Variants in EPHA3 observed in about 807,000 individuals in gnomAD.
EPHA3 encodes the protein ephrin type-A receptor 3.
In EPHA3, 42 loss-of-function variants were observed where a neutral mutation model predicts 107.1. The observed-to-expected ratio is 0.39, with a 90% confidence interval of 0.31 to 0.51. The LOEUF is 0.51. EPHA3 is among the 20% of genes least tolerant of loss of function. The probability of loss-of-function intolerance (pLI) is 0.78; values close to 1 mark genes in which losing one functional copy is unlikely to be tolerated. For missense variants in EPHA3, 1,183 were observed against 1,211.2 expected (o/e 0.98, Z 0.35); for synonymous variants, 461 against 424.8 (o/e 1.09, Z -1.05).
At chr3:89,221,384 A>G (rs1237696105) in intron 3 of EPHA3, among the ~76,000 whole-genome samples, 1 of 152,166 alleles carries the variant, frequency 6.6e-6, no homozygotes, top group Non-Finnish European at 1.5e-5. Flanking sequence ...CATTCCCTAT[A>G]GAAGAGCAGA....
At chr3:89,186,468 G>T (rs1297487983) in intron 2 of EPHA3, among the ~76,000 whole-genome samples, 2 of 151,900 alleles carry the variant, frequency 1.3e-5, no homozygotes, top group Non-Finnish European at 2.9e-5. Flanking sequence ...AAGTCAAAAC[G>T]GCTTCAATTT....
intron 5 of EPHA3, among the ~76,000 whole-genome samples, chr3:89,355,727 A>T (rs755555635): frequency 6.6e-5 from 10 of 150,900 alleles, no homozygotes; most frequent in Non-Finnish European, 1.3e-4. Context: ...GGCTTGAATA[A>T]GTTGTGCTCT....
At position 89,407,411 on chromosome 3, in the gene EPHA3, G is replaced by T. The variant is rs747120838; in HGVS notation, c.1697+40G>T. 3.3e-6 allele frequency: 5 copies of T among 1,502,130 alleles called. No individual in the cohort carries two copies. The Admixed American group carries it at 8.5e-5, about 25-fold the overall frequency. 93.1% of individuals were successfully genotyped at this position (1,502,130 alleles called of 1,614,324 possible). ...TGTTTCACTATTCACTTTCTTTGTTGCTTTGTTTGCTGCCACTGATTGCTG... is the reference window on the plus strand; with the variant it reads ...TGTTTCACTATTCACTTTCTTTGTTTCTTTGTTTGCTGCCACTGATTGCTG... On this transcript the variant is annotated intron_variant, in intron 8 of 16. Coordinates refer to ENST00000336596, the MANE Select transcript of EPHA3 (RefSeq NM_005233.6).
chr3:89,232,649 A>T (rs575867905), intron 3 of EPHA3, among the ~76,000 whole-genome samples: 1 of 152,308 alleles, frequency 6.6e-6, no homozygotes, highest in African/African-American at 2.4e-5. Flanking sequence ...CAAAAATGCC[A>T]CTTCTTAATT....
chr3:89,263,713 C>A (rs1315579002), intron 3 of EPHA3, among the ~76,000 whole-genome samples: 1 of 152,016 alleles, frequency 6.6e-6, no homozygotes, highest in East Asian at 1.9e-4. Flanking sequence ...TCTTTCTAGG[C>A]ACAGGATGGG....
intron 5 of EPHA3, among the ~76,000 whole-genome samples, chr3:89,386,256 G>A (rs1423685180): frequency 6.6e-6 from 1 of 152,164 alleles, no homozygotes; most frequent in Non-Finnish European, 1.5e-5. Flanking sequence ...CATCTCCAGG[G>A]CATGTCAGAT....
At chr3:89,380,908 A>G (rs1431594178) in intron 5 of EPHA3, among the ~76,000 whole-genome samples, 1 of 151,720 alleles carries the variant, frequency 6.6e-6, no homozygotes, top group Non-Finnish European at 1.5e-5. Flanking sequence ...AGCTGGGATT[A>G]CAGGTGCCTG....
At chr3:89,340,095 C>A (rs1298627068) in intron 3 of EPHA3, among the ~76,000 whole-genome samples, 4 of 152,176 alleles carry the variant, frequency 2.6e-5, no homozygotes, top group African/African-American at 9.7e-5. Context: ...TTAGGCATAT[C>A]TCTGTAAAAC....
chr3:89,389,557 C>T (rs1708684839), intron 5 of EPHA3, among the ~76,000 whole-genome samples: 1 of 152,130 alleles, frequency 6.6e-6, no homozygotes, highest in African/African-American at 2.4e-5. Flanking sequence ...AGAGGAAGGT[C>T]CCAATAAAAA....
intron 2 of EPHA3, among the ~76,000 whole-genome samples, chr3:89,198,397 T>C (rs1179383496): frequency 6.6e-6 from 1 of 151,220 alleles, no homozygotes; most frequent in Admixed American, 6.6e-5. Context: ...AATCATACTC[T>C]ATTGAATCTC....
chr3:89,172,854 AG>A (rs1705239371), intron 2 of EPHA3, among the ~76,000 whole-genome samples: 1 of 152,220 alleles, frequency 6.6e-6, no homozygotes, highest in Non-Finnish European at 1.5e-5. Context: ...ATAAAAATAA[AG>A]GAAAATACTA....
chr3:89,217,729 T>A (rs564026492), intron 3 of EPHA3, among the ~76,000 whole-genome samples: 6 of 152,348 alleles, frequency 3.9e-5, no homozygotes, highest in Admixed American at 3.9e-4. Flanking sequence ...TCAGTTGCAA[T>A]GCCACAAAAG....
intron 5 of EPHA3, among the ~76,000 whole-genome samples, chr3:89,358,360 A>AT (rs1708012360): frequency 6.6e-6 from 1 of 151,118 alleles, no homozygotes; most frequent in Admixed American, 6.6e-5. Flanking sequence ...CTAAAAAAAA[A>AT]CCCATTTAGA....
At chr3:89,202,873 C>T (rs774523670) in intron 2 of EPHA3, among the ~76,000 whole-genome samples, 1 of 152,044 alleles carries the variant, frequency 6.6e-6, no homozygotes, top group Non-Finnish European at 1.5e-5. Context: ...GTTCTACCAC[C>T]AGATGTGAAA....
At chr3:89,153,413 A>G (rs1321967913) in intron 2 of EPHA3, among the ~76,000 whole-genome samples, 3 of 152,098 alleles carry the variant, frequency 2.0e-5, no homozygotes, top group Non-Finnish European at 2.9e-5. Context: ...CTGAGATATT[A>G]AAAGGAAAAA....
At chr3:89,434,158 A>G (rs1284495251) in intron 13 of EPHA3, among the ~76,000 whole-genome samples, 2 of 152,164 alleles carry the variant, frequency 1.3e-5, no homozygotes, top group African/African-American at 4.8e-5. Flanking sequence ...TGAAATGTTA[A>G]ATTTCTGGTT....
At chr3:89,457,153 C>CTGGG (rs1710113449) in intron 15 of EPHA3, among the ~76,000 whole-genome samples, 3 of 152,060 alleles carry the variant, frequency 2.0e-5, no homozygotes, top group Admixed American at 2.0e-4. Flanking sequence ...GGAAAACAGG[C>CTGGG]TGGGGGAACA....
chr3:89,238,893 A>T (rs1235787772), intron 3 of EPHA3, among the ~76,000 whole-genome samples: 1 of 152,200 alleles, frequency 6.6e-6, no homozygotes, highest in Non-Finnish European at 1.5e-5. Context: ...GCTTTCTAAG[A>T]GTTATTTGGT....
intron 3 of EPHA3, among the ~76,000 whole-genome samples, chr3:89,268,014 T>C (rs1310263844): frequency 1.3e-5 from 2 of 152,138 alleles, no homozygotes; most frequent in Non-Finnish European, 2.9e-5. Flanking sequence ...TTCAGTAAAG[T>C]ATGCAAATTG....
Sources: gnomAD v4.1 joint callset for allele counts (sites outside exome capture counted in the v4.1 genomes callset) on GRCh38, gnomAD v4.1.1 for gene constraint, MANE v1.5 for transcripts, NCBI Gene and HGNC (gene_info 2026-07-23, HGNC 2026-07-21) for gene names.